C6: variants seen among roughly 807,000 people sequenced by gnomAD.
The protein encoded by C6 is complement component C6.
Under a neutral mutation model 112.9 loss-of-function variants are expected in C6, and 101 were observed. The ratio of observed to expected loss-of-function variants is 0.89; its 90% confidence interval spans 0.76 to 1.06. The LOEUF (loss-of-function observed/expected upper bound fraction) is 1.06, where lower values mean the gene tolerates loss of function less well. Ranked by LOEUF, C6 falls within the 50% of genes least tolerant of loss-of-function variation. The probability of loss-of-function intolerance (pLI) is 0.00; values close to 1 mark genes in which losing one functional copy is unlikely to be tolerated. For synonymous variants in C6, 431 were observed against 384.1 expected, an observed-to-expected ratio of 1.12 and a Z score of -1.43; for missense variants, 1,202 against 1,104.6, an observed-to-expected ratio of 1.09 and a Z score of -1.25.
rs372770426 is a variant in C6, at chr5:41,149,900, C to T, written c.2381+35G>A. The T allele has an allele frequency of 4.8e-6, 7 of 1,466,532 alleles. No individual in the cohort carries two copies. The African/African-American group carries it at 8.3e-5, about 17-fold the overall frequency. 90.8% of individuals were successfully genotyped at this position (1,466,532 alleles called of 1,614,324 possible). On this transcript the variant is annotated intron_variant, in intron 16 of 17. Coordinates refer to ENST00000337836, the MANE Select transcript of C6 (RefSeq NM_000065.5). The stretch of plus-strand genomic sequence containing the variant: ...ATTGGTTACACTAGACTGGTTTTCC[C>T]AATTTCCAGACACAGTCTGTAGGGT...
intron 1 of C6, among the ~76,000 whole-genome samples, chr5:41,223,530 A>G (rs569221403): frequency 7.2e-5 from 11 of 152,282 alleles, no homozygotes; most frequent in Non-Finnish European, 1.5e-5. Flanking sequence ...GTCATCAGGT[A>G]ATATGTTTAA....
rs144374295 is a variant in C6, at chr5:41,254,880, G to A, written c.-21+6314C>T. ...TATGGATCTCAGTGAAAGCGTTTTA[G>A]TCTCCTAGATAATTTTGCAAATGAG... On this transcript the variant is annotated intron_variant, in intron 1 of 17. Transcript: ENST00000263413. Among the ~76,000 whole-genome samples the A allele has an allele frequency of 8.3e-4, 126 of 152,288 alleles. 1 individual carries two copies. The highest frequency in any genetic ancestry group is 1.8e-3 in the Admixed American group (28 of 15,292).
At chr5:41,174,806 T>C (rs921568143) in intron 8 of C6, among the ~76,000 whole-genome samples, 1 of 152,168 alleles carries the variant, frequency 6.6e-6, no homozygotes, top group African/African-American at 2.4e-5. Flanking sequence ...TTTAGTTTCA[T>C]GTTATGATGA....
chr5:41,217,803 T>C (rs1036948372), upstream of C6, among the ~76,000 whole-genome samples: 3 of 152,084 alleles, frequency 2.0e-5, no homozygotes, highest in African/African-American at 7.2e-5. Context: ...ATTTAGAGCT[T>C]TGTGGGAAAA....
intron 1 of C6, among the ~76,000 whole-genome samples, chr5:41,246,221 G>C (rs1321031008): frequency 6.6e-6 from 1 of 152,052 alleles, no homozygotes; most frequent in Non-Finnish European, 1.5e-5. Context: ...CGTTTCTCTT[G>C]GATTCCATGC....
Position 41,184,953 on chromosome 5 carries a change from T to A in C6, c.726+1117A>T, listed in dbSNP as rs187903295. ...CCAGCCTCATATACTTCCTTTATTT[T>A]GTTACTTGTAAAACTACATGAAATA... On this transcript the variant is annotated intron_variant, in intron 6 of 17. Coordinates refer to ENST00000337836, the MANE Select transcript of C6 (RefSeq NM_000065.5). Among the ~76,000 whole-genome samples the A allele has an allele frequency of 3.0e-3, 463 of 152,316 alleles. 2 individuals are homozygous for A. The highest frequency in any genetic ancestry group is 0.01 in the African/African-American group (435 of 41,570).
intron 1 of C6, among the ~76,000 whole-genome samples, chr5:41,241,539 G>T (rs1487882734): frequency 6.6e-6 from 1 of 152,178 alleles, no homozygotes; most frequent in Non-Finnish European, 1.5e-5. Flanking sequence ...AATTCAGAAT[G>T]GACCACAAGC....
intron 16 of C6, 110 bp from the exon 17 acceptor site, chr5:41,149,592 TCCCCA>T: frequency 7.3e-7 from 1 of 1,371,618 alleles, no homozygotes; most frequent in Non-Finnish European, 1.0e-6. Context: ...TTGCCTGTTT[TCCCCA>T]CCCCACTCCA....
At chr5:41,150,072 T>C (rs757661448) in intron 15 of C6, 47 bp from the exon 16 acceptor site, 4 of 1,176,532 alleles carry the variant, frequency 3.4e-6, no homozygotes, top group East Asian at 2.3e-5. Context: ...CAGCATGGAT[T>C]CTAAGTGATA....
chr5:41,256,811 A>T (rs945759688), intron 1 of C6, among the ~76,000 whole-genome samples: 1 of 152,156 alleles, frequency 6.6e-6, no homozygotes, highest in Non-Finnish European at 1.5e-5. Context: ...GCTCCTTGAT[A>T]AAAGGGAACA....
Position 41,242,855 on chromosome 5 carries a change from T to C in C6, c.-21+18339A>G, listed in dbSNP as rs80068215. Among the ~76,000 whole-genome samples, 15 of 150,546 alleles carry C rather than the reference T, an allele frequency of 1.0e-4. No individual in the cohort carries two copies. In the East Asian group the frequency reaches 2.9e-3, roughly 30 times the overall value. ...TCTATCATTTACAACATAAATGGAA[T>C]TGAAAAACATTATGCTAAATGAAAT... is the stretch of plus-strand genomic sequence containing the variant. On this transcript the variant is annotated intron_variant, in intron 1 of 17. Transcript: ENST00000263413.
intron 13 of C6, 37 bp from the exon 14 acceptor site, chr5:41,155,141 T>C (rs376719287): frequency 8.2e-6 from 13 of 1,577,848 alleles, no homozygotes; most frequent in Non-Finnish European, 7.8e-6. Context: ...ATTAATGCTA[T>C]GAATAACACT....
At chr5:41,258,085 C>T (rs1156586860) in intron 1 of C6, among the ~76,000 whole-genome samples, 2 of 152,054 alleles carry the variant, frequency 1.3e-5, no homozygotes, top group African/African-American at 4.8e-5. Flanking sequence ...GCATGGTCTT[C>T]ACAAGCAAAA....
chr5:41,227,297 T>C (rs1184940837), intron 1 of C6, among the ~76,000 whole-genome samples: 2 of 150,650 alleles, frequency 1.3e-5, no homozygotes, highest in Admixed American at 6.7e-5. Flanking sequence ...CATTTTTTAA[T>C]TGTTTTTTTT....
intron 5 of C6, among the ~76,000 whole-genome samples, chr5:41,187,957 A>G (rs1044226809): frequency 7.9e-5 from 12 of 152,136 alleles, no homozygotes; most frequent in Non-Finnish European, 1.3e-4. Flanking sequence ...TCAACAAACA[A>G]AAATCAAATG....
chr5:41,167,879 A>G (rs1420067564), intron 9 of C6, among the ~76,000 whole-genome samples: 1 of 152,196 alleles, frequency 6.6e-6, no homozygotes, highest in Non-Finnish European at 1.5e-5. Flanking sequence ...AGCAGTTTAC[A>G]GATTCATAAC....
chr5:41,208,503 A>G (rs1458488544), intron 1 of C6, among the ~76,000 whole-genome samples: 4 of 152,222 alleles, frequency 2.6e-5, no homozygotes, highest in South Asian at 4.1e-4. Flanking sequence ...AAGAGAGAAG[A>G]ATGAAATAGA....
At chr5:41,197,019 T>A (rs994506729) in intron 4 of C6, among the ~76,000 whole-genome samples, 2 of 152,174 alleles carry the variant, frequency 1.3e-5, no homozygotes, top group African/African-American at 4.8e-5. Context: ...TTACTTGAGA[T>A]TATCTGGTTG....
At chr5:41,156,363 C>T (rs1017897917) in intron 13 of C6, among the ~76,000 whole-genome samples, 2 of 152,130 alleles carry the variant, frequency 1.3e-5, no homozygotes, top group Admixed American at 6.6e-5. Flanking sequence ...TCATGCAAAG[C>T]TCTATTTTTA....
Sources: allele counts gnomAD v4.1 joint callset (sites outside exome capture counted in the v4.1 genomes callset), GRCh38; gene constraint gnomAD v4.1.1; transcripts MANE v1.5; gene names NCBI Gene and HGNC (gene_info 2026-07-23, HGNC 2026-07-21).